RANBP2: variants seen among roughly 807,000 people sequenced by gnomAD.
The protein encoded by RANBP2 is RAN binding protein 2, also known as E3 SUMO-protein ligase RanBP2.
Under a neutral mutation model 303.6 loss-of-function variants are expected in RANBP2, and 57 were observed. That is an observed-to-expected ratio of 0.19 (90% CI 0.15 to 0.23). RANBP2 has a LOEUF of 0.23. RANBP2 is among the 10% of genes least tolerant of loss of function. The pLI, the probability that RANBP2 is intolerant of heterozygous loss-of-function variation, is 1.00. For synonymous variants in RANBP2, 1,167 were observed against 1,301.5 expected, an observed-to-expected ratio of 0.90 and a Z score of 2.23; for missense variants, 3,138 against 3,780.8, an observed-to-expected ratio of 0.83 and a Z score of 4.46.
At chr2:109,272,132 G>T in the RANBP2 span, among the ~76,000 whole-genome samples, 1 of 152,176 alleles carries the variant, frequency 6.6e-6, no homozygotes, top group Admixed American at 6.5e-5. Flanking sequence ...GTCGGAGCTG[G>T]ACTTATCCCT....
the RANBP2 span, among the ~76,000 whole-genome samples, chr2:109,097,738 T>G: frequency 1.2e-3 from 1 of 848 alleles, no homozygotes; most frequent in African/African-American, 1.6e-3. Context: ...GTGCTTAGGG[T>G]GTGTGTGTGT....
At chr2:109,701,409 A>G in the RANBP2 span, among the ~76,000 whole-genome samples, 1 of 152,160 alleles carries the variant, frequency 6.6e-6, no homozygotes, top group African/African-American at 2.4e-5. Context: ...TTTTAGAGAT[A>G]CATGAGACAT....
the RANBP2 span, among the ~76,000 whole-genome samples, chr2:108,990,985 CTA>C: frequency 2.1e-4 from 32 of 152,064 alleles, 1 homozygote; most frequent in South Asian, 2.1e-4. Flanking sequence ...TTAGGTGTAA[CTA>C]AAACATTTTT....
chr2:108,798,646 T>A, the RANBP2 span: 1 of 1,332,318 alleles, frequency 7.5e-7, no homozygotes, highest in East Asian at 2.3e-5. Context: ...TTAGATTCAC[T>A]AGTTACTAAC....
chr2:108,923,005 T>C, the RANBP2 span, among the ~76,000 whole-genome samples: 1 of 152,204 alleles, frequency 6.6e-6, no homozygotes, highest in East Asian at 1.9e-4. Flanking sequence ...CTTTGCAAAA[T>C]AGTAGTACTT....
At chr2:109,366,599 A>G in the RANBP2 span, among the ~76,000 whole-genome samples, 22,267 of 152,256 alleles carry the variant, frequency 0.15, 1,788 homozygotes, top group Middle Eastern at 0.24. Context: ...CTGTAATCCC[A>G]GCACTTTAGG....
the RANBP2 span, among the ~76,000 whole-genome samples, chr2:109,451,914 AG>A: frequency 6.6e-6 from 1 of 152,194 alleles, no homozygotes; most frequent in African/African-American, 2.4e-5. Flanking sequence ...TCCAGGCAGG[AG>A]GGGAAGTGGT....
chr2:109,199,597 T>TCAACCC, the RANBP2 span, among the ~76,000 whole-genome samples: 2 of 274 alleles, frequency 7.3e-3, no homozygotes, highest in Non-Finnish European at 0.014. Context: ...TGGAATGGAA[T>TCAACCC]GGAATGGAAT....
At chr2:109,374,484 C>A in the RANBP2 span, among the ~76,000 whole-genome samples, 17 of 152,308 alleles carry the variant, frequency 1.1e-4, no homozygotes, top group African/African-American at 3.8e-4. Flanking sequence ...CAAACTGCTT[C>A]CCTCTGGGAG....
the RANBP2 span, among the ~76,000 whole-genome samples, chr2:109,587,997 T>C: frequency 6.6e-6 from 1 of 151,056 alleles, no homozygotes; most frequent in Admixed American, 6.6e-5. Flanking sequence ...GAGGCTGAGG[T>C]GGGAGGATCA....
chr2:109,325,729 T>C, the RANBP2 span, among the ~76,000 whole-genome samples: 1 of 152,204 alleles, frequency 6.6e-6, no homozygotes, highest in Admixed American at 6.5e-5. Context: ...TACATGTTCC[T>C]TGGAATGTCC....
At chr2:109,314,402 C>T in the RANBP2 span, among the ~76,000 whole-genome samples, 1 of 152,246 alleles carries the variant, frequency 6.6e-6, no homozygotes, top group South Asian at 2.1e-4. Context: ...TGATTGTAAC[C>T]CTGCCTTGGT....
chr2:108,992,815 C>T, the RANBP2 span, among the ~76,000 whole-genome samples: 1 of 152,114 alleles, frequency 6.6e-6, no homozygotes. Flanking sequence ...AGAACGTTGC[C>T]CCTGCCTCGT....
At chr2:109,136,267 A>G in the RANBP2 span, among the ~76,000 whole-genome samples, 1,451 of 152,240 alleles carry the variant, frequency 9.5e-3, 36 homozygotes, top group African/African-American at 0.033. Context: ...GCTGGGGGAA[A>G]TGCTCTTGAT....
the RANBP2 span, among the ~76,000 whole-genome samples, chr2:109,734,904 T>C: frequency 6.6e-6 from 1 of 152,180 alleles, no homozygotes; most frequent in Admixed American, 6.5e-5. Flanking sequence ...CACATGTTTA[T>C]GGGGTACAGT....
chr2:109,052,454 T>G, the RANBP2 span, among the ~76,000 whole-genome samples: 1 of 152,216 alleles, frequency 6.6e-6, no homozygotes, highest in Non-Finnish European at 1.5e-5. Flanking sequence ...AAATCACAAT[T>G]TATATTTCTT....
chr2:109,729,764 G>A, the RANBP2 span, among the ~76,000 whole-genome samples: 2 of 152,172 alleles, frequency 1.3e-5, no homozygotes, highest in Non-Finnish European at 2.9e-5. Flanking sequence ...AGTGCAGTGC[G>A]GTGGTATATT....
chr2:109,319,453 T>A, the RANBP2 span, among the ~76,000 whole-genome samples: 8 of 152,086 alleles, frequency 5.3e-5, no homozygotes, highest in Admixed American at 5.2e-4. Flanking sequence ...GATTTACAAG[T>A]GATTCGTTTT....
chr2:109,229,216 G>A, the RANBP2 span, among the ~76,000 whole-genome samples: 1 of 152,200 alleles, frequency 6.6e-6, no homozygotes, highest in Non-Finnish European at 1.5e-5. Flanking sequence ...ATGTCACACA[G>A]CTGTTCCCTT....
Sources: allele counts gnomAD v4.1 joint callset (sites outside exome capture counted in the v4.1 genomes callset), GRCh38; gene constraint gnomAD v4.1.1; transcripts MANE v1.5; gene names NCBI Gene and HGNC (gene_info 2026-07-23, HGNC 2026-07-21).